MTUS2: variants seen among roughly 807,000 people sequenced by gnomAD.
The protein encoded by MTUS2 is microtubule associated scaffold protein 2.
In MTUS2, 40 loss-of-function variants were observed where a neutral mutation model predicts 114.1. The observed-to-expected ratio is 0.35, with a 90% CI of 0.27 to 0.46. The LOEUF is 0.46. Ranked by LOEUF, MTUS2 falls within the 20% of genes least tolerant of loss-of-function variation. The pLI is 1.00. For missense variants in MTUS2, 1,679 were observed against 1,705.4 expected (o/e 0.98, Z 0.27); for synonymous variants, 688 against 672.0 (o/e 1.02, Z -0.37).
chr13:28,844,850 C>T (rs545637008), intron 2 of MTUS2, among the ~76,000 whole-genome samples: 1 of 152,320 alleles, frequency 6.6e-6, no homozygotes, highest in African/African-American at 2.4e-5. Context: ...AACTCGAGCT[C>T]AGGAGATCTG....
intron 5 of MTUS2, among the ~76,000 whole-genome samples, chr13:29,185,975 G>A (rs568973650): frequency 6.6e-6 from 1 of 152,290 alleles, no homozygotes; most frequent in East Asian, 1.9e-4. Flanking sequence ...GGGAGGCTGA[G>A]GCAGGAGAAT....
rs1339620262 is a variant in MTUS2, at chr13:28,905,680, A to T, written c.-243+65830A>T. ...CCAGTATTTTATTGAGGATTTTTGC[A>T]TCAATGTTCATCAAGGATATTGGTC... On this transcript the variant is annotated intron_variant, in intron 2 of 15. Coordinates refer to ENST00000612955, the MANE Select transcript of MTUS2 (RefSeq NM_001033602.4). 7.6e-4 allele frequency among the ~76,000 whole-genome samples: 116 copies of T among 151,704 alleles called. 2 individuals carry two copies. Among genetic ancestry groups the T allele is most frequent in the Non-Finnish European group, 1.5e-3 (103 of 67,942 alleles).
intron 5 of MTUS2, among the ~76,000 whole-genome samples, chr13:29,127,805 C>G (rs1400645391): frequency 6.6e-6 from 1 of 152,222 alleles, no homozygotes; most frequent in African/African-American, 2.4e-5. Flanking sequence ...TGTGCTTGTC[C>G]CATAGCTTAG....
At chr13:29,045,014 G>A (rs1684126611) in intron 4 of MTUS2, among the ~76,000 whole-genome samples, 1 of 152,158 alleles carries the variant, frequency 6.6e-6, no homozygotes, top group African/African-American at 2.4e-5. Context: ...CAGTAATGGT[G>A]TGTTGAATCC....
chr13:28,910,027 G>A (rs1199429455), intron 2 of MTUS2, among the ~76,000 whole-genome samples: 1 of 152,094 alleles, frequency 6.6e-6, no homozygotes, highest in Non-Finnish European at 1.5e-5. Flanking sequence ...TTTATCCTTT[G>A]TGTTACAATC....
At chr13:28,830,975 CAG>C (rs1394124448) in intron 1 of MTUS2, among the ~76,000 whole-genome samples, 2 of 152,006 alleles carry the variant, frequency 1.3e-5, no homozygotes, top group East Asian at 3.8e-4. Flanking sequence ...AAAACAAAAA[CAG>C]AGAATTTGTC....
intron 8 of MTUS2, among the ~76,000 whole-genome samples, chr13:29,401,168 A>G (rs1874312814): frequency 6.6e-6 from 1 of 152,104 alleles, no homozygotes; most frequent in African/African-American, 2.4e-5. Context: ...TTACATTTTT[A>G]GTAGAGACGG....
intron 2 of MTUS2, among the ~76,000 whole-genome samples, chr13:28,898,583 A>G (rs890020282): frequency 1.3e-5 from 2 of 152,218 alleles, no homozygotes; most frequent in Admixed American, 6.5e-5. Context: ...AATAAAATAA[A>G]TGATGTGGTT....
At chr13:29,428,761 C>T (rs887225468) in intron 8 of MTUS2, 22 of 1,603,022 alleles carry the variant, frequency 1.4e-5, no homozygotes, top group Non-Finnish European at 1.7e-5. Context: ...GCGCCCCTTT[C>T]GTGTGTGCCG....
In MTUS2 at chr13:29,147,464, G is replaced by A. The variant is rs1043792843; in HGVS notation, c.2644+46494G>A. 3.9e-5 allele frequency among the ~76,000 whole-genome samples: 6 copies of A among 152,234 alleles called. No individual in the cohort carries two copies. In the South Asian group the frequency reaches 1.2e-3, roughly 32 times the overall value. On this transcript the variant is annotated intron_variant, in intron 5 of 15. Coordinates refer to ENST00000612955, the MANE Select transcript of MTUS2 (RefSeq NM_001033602.4). ...TTAGCTTTACTTTTAGATTGAGGGG[G>A]TACATGTACAGGTTTGTTACATGGG... is the stretch of plus-strand genomic sequence containing the variant.
chr13:28,933,083 A>G (rs564576418), intron 2 of MTUS2, among the ~76,000 whole-genome samples: 14 of 151,356 alleles, frequency 9.2e-5, no homozygotes, highest in Middle Eastern at 3.4e-3. Context: ...TACTCATTCA[A>G]TGTATATATT....
intron 8 of MTUS2, among the ~76,000 whole-genome samples, chr13:29,410,653 G>T (rs936368692): frequency 1.3e-5 from 2 of 151,986 alleles, no homozygotes; most frequent in Admixed American, 1.3e-4. Flanking sequence ...TGTGACACAT[G>T]GTGCAAACAT....
intron 7 of MTUS2, among the ~76,000 whole-genome samples, chr13:29,330,121 T>C (rs999017010): frequency 1.3e-5 from 2 of 152,266 alleles, no homozygotes; most frequent in Admixed American, 6.5e-5. Flanking sequence ...TGTTTTCTGA[T>C]TTTTTAATGA....
chr13:29,244,757 C>A (rs187673398), intron 5 of MTUS2, among the ~76,000 whole-genome samples: 113 of 151,444 alleles, frequency 7.5e-4, no homozygotes, highest in African/African-American at 2.6e-3. Context: ...GAGATCGAGA[C>A]CATCCCGGCT....
intron 8 of MTUS2, among the ~76,000 whole-genome samples, chr13:29,427,741 T>C (rs1011433704): frequency 6.6e-6 from 1 of 152,230 alleles, no homozygotes; most frequent in Non-Finnish European, 1.5e-5. Flanking sequence ...AACTATTGTC[T>C]GTTTACAGCC....
intron 2 of MTUS2, among the ~76,000 whole-genome samples, chr13:29,004,734 C>G (rs1000045832): frequency 2.0e-5 from 3 of 152,188 alleles, no homozygotes; most frequent in Non-Finnish European, 4.4e-5. Flanking sequence ...TCAGCAAATA[C>G]AAACTGAGAA....
intron 2 of MTUS2, among the ~76,000 whole-genome samples, chr13:28,944,670 G>A (rs917213264): frequency 2.6e-5 from 4 of 152,126 alleles, no homozygotes; most frequent in African/African-American, 9.7e-5. Flanking sequence ...TGATGACTTA[G>A]TTCCTCTTTT....
intron 8 of MTUS2, among the ~76,000 whole-genome samples, chr13:29,408,216 C>CT (rs1202841219): frequency 6.6e-6 from 1 of 151,546 alleles, no homozygotes; most frequent in Non-Finnish European, 1.5e-5. Context: ...ATTGCTTGTG[C>CT]TTTTTTTGTG....
chr13:28,848,739 T>C (rs1434604455), intron 2 of MTUS2, among the ~76,000 whole-genome samples: 1 of 152,158 alleles, frequency 6.6e-6, no homozygotes, highest in African/African-American at 2.4e-5. Context: ...GACGAGGAGA[T>C]ATTTTTGGCT....
Sources: allele counts gnomAD v4.1 joint callset (sites outside exome capture counted in the v4.1 genomes callset), GRCh38; gene constraint gnomAD v4.1.1; transcripts MANE v1.5; gene names NCBI Gene and HGNC (gene_info 2026-07-23, HGNC 2026-07-21).